TCF4: variants seen among roughly 807,000 people sequenced by gnomAD.
TCF4 encodes the protein SL3-3 enhancer factor 2.
In TCF4, 3 loss-of-function variants were observed where a neutral mutation model predicts 82.1. The observed-to-expected ratio is 0.04, with a 90% CI of 0.02 to 0.09. The LOEUF is 0.09. TCF4 is among the 10% of genes least tolerant of loss of function. The pLI is 1.00. For synonymous variants in TCF4, 276 were observed against 309.6 expected (o/e 0.89, Z 1.14); for missense variants, 518 against 852.7 (o/e 0.61, Z 4.89).
At chr18:55,367,457 T>A (rs1160922432) in intron 6 of TCF4, among the ~76,000 whole-genome samples, 1 of 152,206 alleles carries the variant, frequency 6.6e-6, no homozygotes, top group African/African-American at 2.4e-5. Flanking sequence ...CAAGAACATT[T>A]TCATAGTTCA....
At chr18:55,529,095 T>C (rs1012290624) in intron 3 of TCF4, among the ~76,000 whole-genome samples, 3 of 152,130 alleles carry the variant, frequency 2.0e-5, no homozygotes, top group Non-Finnish European at 1.5e-5. Context: ...GGAGAATTAC[T>C]AGAACCCAGG....
chr18:55,439,505 C>T (rs2095397324), intron 5 of TCF4, among the ~76,000 whole-genome samples: 1 of 152,136 alleles, frequency 6.6e-6, no homozygotes. Context: ...AAGTATCTAG[C>T]TTTTCCATCC....
chr18:55,519,205 T>C (rs1269678337), intron 3 of TCF4, among the ~76,000 whole-genome samples: 1 of 152,100 alleles, frequency 6.6e-6, no homozygotes, highest in African/African-American at 2.4e-5. Context: ...GCCCAAGGCA[T>C]GCAGATCACT....
At chr18:55,282,646 T>C (rs58802479) in intron 8 of TCF4, among the ~76,000 whole-genome samples, 4,958 of 152,208 alleles carry the variant, frequency 0.033, 263 homozygotes, top group African/African-American at 0.11. Context: ...AATAGCTTTA[T>C]TTAATCAATA....
At chr18:55,541,598 G>T (rs993506582) in intron 3 of TCF4, among the ~76,000 whole-genome samples, 38 of 151,916 alleles carry the variant, frequency 2.5e-4, no homozygotes, top group African/African-American at 8.9e-4. Context: ...AGAGAATGCA[G>T]TTAAATAATT....
At chr18:55,332,877 C>T (rs1336775869) in intron 8 of TCF4, among the ~76,000 whole-genome samples, 1 of 152,182 alleles carries the variant, frequency 6.6e-6, no homozygotes, top group Non-Finnish European at 1.5e-5. Flanking sequence ...GATGTATACA[C>T]TTGATGAATA....
intron 3 of TCF4, among the ~76,000 whole-genome samples, chr18:55,501,344 C>T (rs1164840858): frequency 6.6e-6 from 1 of 152,036 alleles, no homozygotes. Context: ...AAACCACAAC[C>T]AACCTTAAGG....
At chr18:55,483,103 G>C (rs1228286921) in intron 3 of TCF4, among the ~76,000 whole-genome samples, 8 of 152,192 alleles carry the variant, frequency 5.3e-5, no homozygotes, top group Admixed American at 5.2e-4. Flanking sequence ...GCACGGGGTA[G>C]GGGCAATAAG....
In TCF4 at chr18:55,436,618, T is replaced by G. The variant is rs371575076; in HGVS notation, c.304+24401A>C. 6.6e-5 allele frequency among the ~76,000 whole-genome samples: 10 copies of G among 152,320 alleles called. No homozygotes were observed. The South Asian group carries it at 1.9e-3, about 28-fold the overall frequency. On this transcript the variant is annotated intron_variant, in intron 5 of 19. Coordinates refer to ENST00000354452, the MANE Select transcript of TCF4 (RefSeq NM_001083962.2). Reference sequence around the variant, plus strand: ...ATATGAAATCTAAGAGGTGAAGGTCTACCACCACAGTCAAAATGTTAGCCG... The same window carrying G: ...ATATGAAATCTAAGAGGTGAAGGTCGACCACCACAGTCAAAATGTTAGCCG...
In TCF4 at chr18:55,225,919, C is replaced by T. The variant is rs767390781; in HGVS notation, c.*2116G>A. ...TTTATGGGTTTGTAAAAGATGACCA[C>T]GTGGTAACTATCTTATTTGTTCTTA... On this transcript the variant is annotated 3_prime_UTR_variant, in exon 20 of 20. Coordinates refer to ENST00000354452, the MANE Select transcript of TCF4 (RefSeq NM_001083962.2). The T allele has an allele frequency of 6.6e-6, 1 of 152,488 alleles. No homozygotes were observed. Among genetic ancestry groups the T allele is most frequent in the Non-Finnish European group, 1.5e-5 (1 of 67,996 alleles). The allele number at this position is 152,488 out of a possible 1,614,324, so 9.4% of individuals were successfully genotyped here.
At chr18:55,286,139 A>T (rs1222592109) in intron 8 of TCF4, among the ~76,000 whole-genome samples, 1 of 152,204 alleles carries the variant, frequency 6.6e-6, no homozygotes, top group Admixed American at 6.5e-5. Flanking sequence ...AACGAATTAC[A>T]GTTAGACATG....
At chr18:55,423,568 TA>T (rs1256403671) in intron 5 of TCF4, 1 of 152,110 alleles carries the variant, frequency 6.6e-6, no homozygotes, top group Non-Finnish European at 1.5e-5. Context: ...TGACAAAACA[TA>T]GCTCATCCTC....
At chr18:55,403,278 G>A (rs1379560022) in intron 6 of TCF4, among the ~76,000 whole-genome samples, 176 bp downstream of exon 6, 1 of 152,178 alleles carries the variant, frequency 6.6e-6, no homozygotes, top group African/African-American at 2.4e-5. Flanking sequence ...ATCTAAAGAT[G>A]AGGTGTTTAT....
chr18:55,549,126 C>T (rs950883364), intron 3 of TCF4, among the ~76,000 whole-genome samples: 10 of 151,976 alleles, frequency 6.6e-5, no homozygotes, highest in Admixed American at 6.6e-5. Context: ...CACGGCAAAA[C>T]CCCGTCACCA....
chr18:55,466,448 G>A (rs774707448), intron 3 of TCF4, among the ~76,000 whole-genome samples: 33 of 152,014 alleles, frequency 2.2e-4, no homozygotes, highest in Non-Finnish European at 4.4e-4. Flanking sequence ...AGTGAACTAC[G>A]ATTGTGCCAC....
chr18:55,244,193 C>G (rs748040311), intron 15 of TCF4, among the ~76,000 whole-genome samples: 1 of 152,172 alleles, frequency 6.6e-6, no homozygotes, highest in African/African-American at 2.4e-5. Flanking sequence ...AGTGGTTCCA[C>G]ATGTTTTTTG....
intron 5 of TCF4, among the ~76,000 whole-genome samples, chr18:55,427,369 C>A (rs1204886161): frequency 6.6e-6 from 1 of 152,090 alleles, no homozygotes; most frequent in East Asian, 1.9e-4. Context: ...TAAATGATTC[C>A]TCAGCTCCCT....
In TCF4 at chr18:55,606,567, A is replaced by G. The variant is rs182853413; in HGVS notation, c.287-19431T>C. 5.3e-4 allele frequency among the ~76,000 whole-genome samples: 80 copies of G among 152,362 alleles called. 1 individual carries two copies. The highest frequency in any genetic ancestry group is 3.4e-3 in the Middle Eastern group (1 of 294). On this transcript the variant is annotated intron_variant, in intron 2 of 20. Transcript: ENST00000398339. ...ACTCAGCAATGTTTTCATCTGTGGA[A>G]TTATTTTGTCAACCCAAAGTTTGGG...
chr18:55,436,406 T>C (rs760117348), intron 5 of TCF4, among the ~76,000 whole-genome samples: 1 of 152,240 alleles, frequency 6.6e-6, no homozygotes. Context: ...ATAATTTCAA[T>C]GGTAAAATGG....
Sources: gnomAD v4.1 joint callset for allele counts (sites outside exome capture counted in the v4.1 genomes callset) on GRCh38, gnomAD v4.1.1 for gene constraint, MANE v1.5 for transcripts, NCBI Gene and HGNC (gene_info 2026-07-23, HGNC 2026-07-21) for gene names.